Variants in PPFIA2 observed in about 807,000 individuals in gnomAD.
PPFIA2 encodes PPFI scaffold protein A2.
PPFIA2 carries 46 observed loss-of-function variants against 175.5 expected under a neutral mutation model. The ratio of observed to expected loss-of-function variants is 0.26; its 90% CI spans 0.21 to 0.34. PPFIA2 has a LOEUF of 0.34. Among genes scored for constraint, PPFIA2 ranks in the 10% least tolerant of loss-of-function variants. The pLI is 1.00. For missense variants in PPFIA2, 1,179 were observed against 1,506.1 expected, an observed-to-expected ratio of 0.78 and a Z score of 3.60; for synonymous variants, 568 against 511.4, an observed-to-expected ratio of 1.11 and a Z score of -1.49.
intron 3 of PPFIA2, among the ~76,000 whole-genome samples, chr12:81,716,558 A>G (rs2078648895): frequency 6.6e-6 from 1 of 151,384 alleles, no homozygotes; most frequent in South Asian, 2.1e-4. Context: ...ACCAACACAC[A>G]CACACACACA....
At chr12:81,433,135 C>T (rs1173565525) in intron 7 of PPFIA2, among the ~76,000 whole-genome samples, 1 of 152,066 alleles carries the variant, frequency 6.6e-6, no homozygotes, top group East Asian at 1.9e-4. Flanking sequence ...CCATCAACCT[C>T]TTTACCCTCC....
chr12:81,624,699 C>T (rs948554721), intron 4 of PPFIA2, among the ~76,000 whole-genome samples: 2 of 149,128 alleles, frequency 1.3e-5, no homozygotes, highest in African/African-American at 4.9e-5. Flanking sequence ...GAGCTGGAAG[C>T]CATTATTCTA....
chr12:81,662,412 A>G (rs2069090577), intron 4 of PPFIA2, among the ~76,000 whole-genome samples: 2 of 152,208 alleles, frequency 1.3e-5, no homozygotes, highest in Admixed American at 6.5e-5. Context: ...ATCAGAGAAT[A>G]CTATAAACAC....
At chr12:81,657,825 A>G (rs2068028711) in intron 4 of PPFIA2, among the ~76,000 whole-genome samples, 1 of 152,162 alleles carries the variant, frequency 6.6e-6, no homozygotes, top group South Asian at 2.1e-4. Context: ...GTTATTTAAG[A>G]CCTGGTTCAA....
At position 81,375,849 on chromosome 12, in the gene PPFIA2, T is replaced by C. The variant is rs1284842319; in HGVS notation, c.1078A>G (p.Met360Val). 3.1e-6 allele frequency: 5 copies of C among 1,608,750 alleles called. No homozygotes were observed. The highest frequency in any genetic ancestry group is 1.1e-5 in the South Asian group (1 of 90,956). Reference sequence around the variant, plus strand: ...AACTCATTTTCTAGTTTATCATTCATGTCATGTATGGAGGTAGATTCTCTC... The same window carrying C: ...AACTCATTTTCTAGTTTATCATTCACGTCATGTATGGAGGTAGATTCTCTC... ...AQRESTSIHD[M>V]NDKLENELAN... is the part of the protein sequence containing the mutation. Residue 360 changes from methionine to valine, a missense_variant, in exon 10 of 33, where the codon ATG (methionine) becomes GTG (valine). Met to Val is a conservative substitution (Grantham distance 21, BLOSUM62 1). Transcript: ENST00000549396.
intron 4 of PPFIA2, among the ~76,000 whole-genome samples, chr12:81,464,677 A>G (rs1363384623): frequency 6.6e-6 from 1 of 152,104 alleles, no homozygotes; most frequent in Non-Finnish European, 1.5e-5. Flanking sequence ...TCTTGTGCCT[A>G]TTTACATTCC....
intron 8 of PPFIA2, among the ~76,000 whole-genome samples, chr12:81,405,320 C>T (rs1307965574): frequency 2.6e-5 from 4 of 152,074 alleles, no homozygotes; most frequent in East Asian, 1.9e-4. Context: ...AGATTACCAA[C>T]AATTTTCGCA....
chr12:81,742,484 A>G (rs982108946), intron 3 of PPFIA2, among the ~76,000 whole-genome samples: 1 of 152,234 alleles, frequency 6.6e-6, no homozygotes, highest in African/African-American at 2.4e-5. Context: ...TGGAAGAAAT[A>G]AAACACTGAA....
At chr12:81,698,151 T>C (rs1467454908) in intron 3 of PPFIA2, among the ~76,000 whole-genome samples, 3 of 152,258 alleles carry the variant, frequency 2.0e-5, no homozygotes, top group East Asian at 3.9e-4. Context: ...TGAAAAACTT[T>C]GTTTCTAAGA....
At chr12:81,417,923 C>T (rs2045595821) in intron 7 of PPFIA2, among the ~76,000 whole-genome samples, 1 of 151,694 alleles carries the variant, frequency 6.6e-6, no homozygotes, top group African/African-American at 2.4e-5. Context: ...GTTCAATTAC[C>T]TTTAAAGGAG....
chr12:81,613,827 A>G (rs2061172840), intron 4 of PPFIA2, among the ~76,000 whole-genome samples: 1 of 152,138 alleles, frequency 6.6e-6, no homozygotes, highest in Admixed American at 6.5e-5. Flanking sequence ...CTTCTCTGTG[A>G]GTGTGAGTTG....
intron 19 of PPFIA2, among the ~76,000 whole-genome samples, chr12:81,342,946 TATAATAATAATAATA>T (rs141700038): frequency 6.8e-5 from 10 of 147,658 alleles, no homozygotes; most frequent in African/African-American, 2.2e-4. Context: ...AAACTTAAAG[TATAATAATAATAATA>T]ATAATAATAA....
intron 4 of PPFIA2, among the ~76,000 whole-genome samples, chr12:81,582,729 G>A (rs1424160154): frequency 6.6e-6 from 1 of 151,196 alleles, no homozygotes; most frequent in African/African-American, 2.4e-5. Flanking sequence ...TATTTTACAA[G>A]GTAAAAAAAA....
Position 81,295,003 on chromosome 12 carries a change from T to G in PPFIA2, c.2757A>C (p.Ala919=). The G allele has an allele frequency of 6.2e-7, 1 of 1,613,678 alleles. No homozygotes were observed. Among genetic ancestry groups the G allele is most frequent in the Non-Finnish European group, 8.5e-7 (1 of 1,179,738 alleles). The part of the protein sequence containing the change: ...LWLGMPAWYV[A]ACRANVKSGA... ...CACTCTTCACGTTGGCTCGGCAGGC[T>G]GCCACGTACCACGCAGGCATTCCCA... The change falls in exon 24 of 33, where the codon GCA becomes GCC. Residue 919 remains alanine, a synonymous_variant. Transcript: ENST00000549396.
chr12:81,654,665 G>A (rs983492610), intron 4 of PPFIA2, among the ~76,000 whole-genome samples: 18 of 152,058 alleles, frequency 1.2e-4, no homozygotes, highest in Non-Finnish European at 2.6e-4. Context: ...CTCCAGATCA[G>A]AAAGCAGCCA....
chr12:81,308,500 C>T (rs2049915867), intron 22 of PPFIA2, among the ~76,000 whole-genome samples: 1 of 152,140 alleles, frequency 6.6e-6, no homozygotes, highest in Admixed American at 6.5e-5. Context: ...CTCTTAACCT[C>T]CATGCCATCT....
intron 4 of PPFIA2, among the ~76,000 whole-genome samples, chr12:81,642,765 T>TGTATGTATTATATACATAC (rs1555549706): frequency 1.3e-4 from 1 of 7,666 alleles, no homozygotes; most frequent in Non-Finnish European, 2.4e-4. Flanking sequence ...CATACATGTA[T>TGTATGTATTATATACATAC]ATGTATGTAT....
chr12:81,633,579 G>C (rs2063644764), intron 4 of PPFIA2, among the ~76,000 whole-genome samples: 1 of 151,812 alleles, frequency 6.6e-6, no homozygotes, highest in South Asian at 2.1e-4. Context: ...CTTCTAAATT[G>C]GTCCTTTAAA....
chr12:81,659,770 C>G (rs1015406862), intron 4 of PPFIA2, among the ~76,000 whole-genome samples: 1 of 152,192 alleles, frequency 6.6e-6, no homozygotes, highest in Non-Finnish European at 1.5e-5. Context: ...AAGTGAGTCC[C>G]TGACCCCTGA....
Sources: gnomAD v4.1 joint callset for allele counts (sites outside exome capture counted in the v4.1 genomes callset) on GRCh38, gnomAD v4.1.1 for gene constraint, MANE v1.5 for transcripts, NCBI Gene and HGNC (gene_info 2026-07-23, HGNC 2026-07-21) for gene names.